Variants in SIPA1L3 observed in about 807,000 individuals in gnomAD.
The protein encoded by SIPA1L3 is signal-induced proliferation-associated 1-like protein 3.
In SIPA1L3, 59 loss-of-function variants were observed where a neutral mutation model predicts 150.1. The observed-to-expected ratio is 0.39, with a 90% confidence interval of 0.32 to 0.49. The LOEUF is 0.49. Among genes scored for constraint, SIPA1L3 ranks in the 20% least tolerant of loss-of-function variants. The probability of loss-of-function intolerance (pLI) is 0.86; values close to 1 mark genes in which losing one functional copy is unlikely to be tolerated. For synonymous variants in SIPA1L3, 1,070 were observed against 1,077.6 expected, an observed-to-expected ratio of 0.99 and a Z score of 0.14; for missense variants, 2,211 against 2,489.5, an observed-to-expected ratio of 0.89 and a Z score of 2.38.
intron 1 of SIPA1L3, among the ~76,000 whole-genome samples, chr19:37,947,618 T>C (rs1455531824): frequency 6.6e-6 from 1 of 152,156 alleles, no homozygotes; most frequent in Admixed American, 6.5e-5. Context: ...CCCTGGTCTG[T>C]CAAGTTTACC....
intron 1 of SIPA1L3, among the ~76,000 whole-genome samples, chr19:37,914,812 T>C (rs1222447154): frequency 1.3e-5 from 2 of 152,204 alleles, no homozygotes. Flanking sequence ...GCCTACTTTT[T>C]TATAAAATAA....
intron 2 of SIPA1L3, among the ~76,000 whole-genome samples, chr19:38,064,040 T>C (rs1424389050): frequency 6.6e-6 from 1 of 152,176 alleles, no homozygotes; most frequent in Non-Finnish European, 1.5e-5. Flanking sequence ...ATCCCCACTC[T>C]ACAAACATGG....
chr19:38,204,118 T>C lies in SIPA1L3; in HGVS notation c.5121-9T>C. ...GGCCTCAGGCTGACCTTGTCCCTGG[T>C]TTTTCCAGCGAGGAGCCACCCCTGG... On this transcript the variant is annotated splice_polypyrimidine_tract_variant and intron_variant, in intron 20 of 21. Transcript: ENST00000222345. 1.9e-6 allele frequency: 3 copies of C among 1,554,342 alleles called. No individual in the cohort carries two copies. The highest frequency in any genetic ancestry group is 2.6e-6 in the Non-Finnish European group (3 of 1,148,266).
At chr19:38,177,520 G>A (rs8102124) in intron 15 of SIPA1L3, among the ~76,000 whole-genome samples, 1 of 151,642 alleles carries the variant, frequency 6.6e-6, no homozygotes, top group African/African-American at 2.4e-5. Context: ...CAAAAAGGGG[G>A]AAAAAAGGAC....
chr19:37,979,006 C>A (rs548428680), intron 1 of SIPA1L3, among the ~76,000 whole-genome samples: 1 of 151,950 alleles, frequency 6.6e-6, no homozygotes, highest in Non-Finnish European at 1.5e-5. Context: ...AGTTTCCCTT[C>A]CACACCCAAA....
At chr19:38,178,093 GTGTGTGTGTGTGTGTGTGTGTGTGTGTGT>G (rs1972479024) in intron 15 of SIPA1L3, among the ~76,000 whole-genome samples, 1 of 61,152 alleles carries the variant, frequency 1.6e-5, no homozygotes, top group African/African-American at 4.7e-5. Flanking sequence ...TTTGGTGTGT[GTGTGTGTGTGTGTGTGTGTGTGTGTGTGT>G]GTGTGTGTGT....
intron 10 of SIPA1L3, among the ~76,000 whole-genome samples, chr19:38,136,115 A>G (rs1971428441): frequency 7.5e-6 from 1 of 133,166 alleles, no homozygotes; most frequent in African/African-American, 2.9e-5. Context: ...CTCTGTGCCT[A>G]GGCTGGAGTG....
intron 1 of SIPA1L3, among the ~76,000 whole-genome samples, chr19:38,002,209 A>C (rs1643456): frequency 0.8 from 121,621 of 152,076 alleles, 49,364 homozygotes; most frequent in East Asian, 0.97. Flanking sequence ...CATCCCCAAG[A>C]CCCCAGTCCC....
chr19:38,080,615 ATTTT>A (rs375495520), intron 2 of SIPA1L3, among the ~76,000 whole-genome samples: 4 of 149,574 alleles, frequency 2.7e-5, no homozygotes, highest in Non-Finnish European at 6.0e-5. Flanking sequence ...TGTTACTGTG[ATTTT>A]TTTTTTTAAA....
At chr19:38,049,356 C>T (rs950798661) in intron 2 of SIPA1L3, among the ~76,000 whole-genome samples, 1 of 152,272 alleles carries the variant, frequency 6.6e-6, no homozygotes, top group East Asian at 1.9e-4. Flanking sequence ...GTATCTCATT[C>T]TTTCGGTTTC....
intron 1 of SIPA1L3, among the ~76,000 whole-genome samples, chr19:37,910,168 ATAGTCT>A (rs1413669086): frequency 2.0e-5 from 3 of 152,204 alleles, no homozygotes; most frequent in African/African-American, 4.8e-5. Context: ...TATTTCAAAC[ATAGTCT>A]TAGTAACTTG....
Position 38,206,216 on chromosome 19 carries a change from C to T in SIPA1L3, c.5322C>T (p.Phe1774=), listed in dbSNP as rs1287875793. 1.9e-6 allele frequency: 3 copies of T among 1,562,072 alleles called. No homozygotes were observed. The East Asian group carries it at 7.2e-5, about 37-fold the overall frequency. ...SEQLRKFAEI[F]CREKKEL ...AGCTGCGCAAGTTTGCGGAGATCTTCTGCAGGGAGAAGAAGGAGCTCTGAG... is the reference window on the plus strand; with the variant it reads ...AGCTGCGCAAGTTTGCGGAGATCTTTTGCAGGGAGAAGAAGGAGCTCTGAG... Residue 1774 remains phenylalanine (F), a synonymous_variant, in exon 22 of 22, where the codon TTC becomes TTT. Coordinates refer to ENST00000222345, the MANE Select transcript of SIPA1L3 (RefSeq NM_015073.3).
At chr19:38,201,256 C>T (rs1264971446) in intron 19 of SIPA1L3, among the ~76,000 whole-genome samples, 3 of 152,248 alleles carry the variant, frequency 2.0e-5, no homozygotes, top group Non-Finnish European at 4.4e-5. Flanking sequence ...ATCTAAGTCA[C>T]GTTTGAAAAC....
At chr19:37,997,756 C>T (rs2145648868) in intron 1 of SIPA1L3, among the ~76,000 whole-genome samples, 1 of 151,658 alleles carries the variant, frequency 6.6e-6, no homozygotes, top group Admixed American at 6.6e-5. Flanking sequence ...AGTCCAGCTA[C>T]TCCGGAGGCT....
In SIPA1L3 at chr19:38,119,460, A is replaced by G; in HGVS notation, c.2446A>G (p.Met816Val). ...AAHKSDKFHT[M>V]ATRTRQEYLK... is the part of the protein sequence containing the mutation. ...GCACAAGTCCGACAAGTTCCACACC[A>G]TGGCCACCAGGACCCGCCAGGAGTA... is the stretch of plus-strand genomic sequence containing the variant. The change falls in exon 9 of 22, where the codon ATG becomes GTG. Residue 816 changes from methionine to valine, a missense_variant. Physicochemically the swap from Met to Val is conservative, Grantham distance 21. Transcript: ENST00000222345. The G allele has an allele frequency of 6.2e-7, 1 of 1,614,176 alleles. No individual in the cohort carries two copies.
At chr19:38,172,718 G>A (rs1268505158) in intron 15 of SIPA1L3, among the ~76,000 whole-genome samples, 1 of 152,146 alleles carries the variant, frequency 6.6e-6, no homozygotes, top group Non-Finnish European at 1.5e-5. Flanking sequence ...TGGTTCTAGC[G>A]GGCATATTGA....
chr19:37,966,711 C>T (rs1285544698), intron 1 of SIPA1L3, among the ~76,000 whole-genome samples: 1 of 152,208 alleles, frequency 6.6e-6, no homozygotes, highest in African/African-American at 2.4e-5. Flanking sequence ...CACTCCAGGG[C>T]TGCCTCCAAA....
In SIPA1L3 at chr19:38,162,248, T is replaced by C. The variant is rs199816589; in HGVS notation, c.3662-5T>C. 192 of 1,613,238 alleles carry C rather than the reference T, an allele frequency of 1.2e-4. 3 individuals are homozygous for C. Among genetic ancestry groups the C allele is most frequent in the Non-Finnish European group, 6.8e-6 (8 of 1,179,114 alleles). On this transcript the variant is annotated splice_region_variant and splice_polypyrimidine_tract_variant and intron_variant, in intron 13 of 21. Coordinates refer to ENST00000222345, the MANE Select transcript of SIPA1L3 (RefSeq NM_015073.3). ...ACCACTGGTGTGTCTCCTGTTTTCC[T>C]ACAGAGCCTTTGTGGCATGTGCCTG... is the stretch of plus-strand genomic sequence containing the variant.
At chr19:38,097,840 G>A (rs538029259) in intron 4 of SIPA1L3, among the ~76,000 whole-genome samples, 18 of 152,214 alleles carry the variant, frequency 1.2e-4, no homozygotes, top group Non-Finnish European at 1.5e-5. Flanking sequence ...TTACAGGTGT[G>A]AGCCACTGTG....
Sources: allele counts gnomAD v4.1 joint callset (sites outside exome capture counted in the v4.1 genomes callset), GRCh38; gene constraint gnomAD v4.1.1; transcripts MANE v1.5; gene names NCBI Gene and HGNC (gene_info 2026-07-23, HGNC 2026-07-21).